Variants in CCDC83 observed in about 807,000 individuals in gnomAD.
CCDC83 encodes coiled-coil domain containing 83.
In CCDC83, 54 loss-of-function variants were observed where a neutral mutation model predicts 50.1. That is an observed-to-expected ratio of 1.08 (90% CI 0.87 to 1.35). The LOEUF (loss-of-function observed/expected upper bound fraction) is 1.35, where lower values mean the gene tolerates loss of function less well. Among genes scored for constraint, CCDC83 ranks in the 40% most tolerant of loss-of-function variants. The probability of loss-of-function intolerance (pLI) is 0.00; values close to 1 mark genes in which losing one functional copy is unlikely to be tolerated. For missense variants in CCDC83, 518 were observed against 473.9 expected, an observed-to-expected ratio of 1.09 and a Z score of -0.86; for synonymous variants, 161 against 153.3, an observed-to-expected ratio of 1.05 and a Z score of -0.37.
intron 5 of CCDC83, among the ~76,000 whole-genome samples, chr11:85,886,947 G>T (rs2093330045): frequency 6.6e-6 from 1 of 152,000 alleles, no homozygotes; most frequent in African/African-American, 2.4e-5. Flanking sequence ...CAATGGATGG[G>T]GTCTGTATGT....
At chr11:85,888,645 C>T (rs1477834287) in intron 5 of CCDC83, among the ~76,000 whole-genome samples, 1 of 151,908 alleles carries the variant, frequency 6.6e-6, no homozygotes, top group African/African-American at 2.4e-5. Flanking sequence ...TTTGATTTTA[C>T]GTTTATGAGA....
chr11:85,855,982 A>G (rs2093137465), intron 1 of CCDC83, among the ~76,000 whole-genome samples: 1 of 152,106 alleles, frequency 6.6e-6, no homozygotes, highest in African/African-American at 2.4e-5. Context: ...TCATATCCCA[A>G]TTCATAGATT....
chr11:85,875,024 GA>G (rs1227663431), intron 3 of CCDC83, among the ~76,000 whole-genome samples: 1 of 152,210 alleles, frequency 6.6e-6, no homozygotes. Flanking sequence ...AGCAAGGCGG[GA>G]AGTTTTATTG....
intron 6 of CCDC83, 93 bp from the exon 7 acceptor site, chr11:85,898,854 A>G: frequency 2.3e-6 from 2 of 884,144 alleles, no homozygotes; most frequent in Non-Finnish European, 1.9e-6. Flanking sequence ...GACACAATCT[A>G]AAATGAATGA....
intron 7 of CCDC83, among the ~76,000 whole-genome samples, chr11:85,901,255 C>A (rs963324141): frequency 6.6e-6 from 1 of 151,900 alleles, no homozygotes; most frequent in Non-Finnish European, 1.5e-5. Flanking sequence ...AAACAAGATG[C>A]TTTAAGAACA....
intron 10 of CCDC83, among the ~76,000 whole-genome samples, chr11:85,917,222 G>A: frequency 7.0e-6 from 1 of 142,708 alleles, no homozygotes; most frequent in African/African-American, 2.6e-5. Context: ...AAGAAAGAAA[G>A]AAAGAAAGAA....
rs556404713 is a variant in CCDC83 at position 85,887,955 on chromosome 11, A to C, written c.511+1588A>C. On this transcript the variant is annotated intron_variant, in intron 5 of 10. Coordinates refer to ENST00000342404, the MANE Select transcript of CCDC83 (RefSeq NM_001286159.2). ...GTAGCTGGGACAGCAGGTATGTGCC[A>C]CCATACCTAGCTAATTTTATTTATT... Among the ~76,000 whole-genome samples, 8 of 152,188 alleles carry C rather than the reference A, an allele frequency of 5.3e-5. No homozygotes were observed. The East Asian group carries it at 1.4e-3, about 26-fold the overall frequency.
Position 85,879,006 on chromosome 11 carries a change from G to A in CCDC83, c.181-3507G>A, listed in dbSNP as rs546901953. Among the ~76,000 whole-genome samples, 13 of 152,002 alleles carry A rather than the reference G, an allele frequency of 8.6e-5. No homozygotes were observed. In the East Asian group the frequency reaches 1.2e-3, roughly 14 times the overall value. ...GACTTTTTGTACTCTTGAGTTTTACGTATATATATAATCTTCTAAAACTAG... is the reference window on the plus strand; with the variant it reads ...GACTTTTTGTACTCTTGAGTTTTACATATATATATAATCTTCTAAAACTAG... On this transcript the variant is annotated intron_variant, in intron 3 of 10. Transcript: ENST00000342404.
Position 85,895,346 on chromosome 11 carries a change from T to C in CCDC83, c.565T>C (p.Leu189=), listed in dbSNP as rs764562630. The C allele has an allele frequency of 5.1e-6, 8 of 1,574,108 alleles. No homozygotes were observed. The highest frequency in any genetic ancestry group is 6.9e-6 in the Non-Finnish European group (8 of 1,154,574). The change falls in exon 6 of 11, where the codon TTG becomes CTG. Residue 189 remains leucine, a synonymous_variant. Coordinates refer to ENST00000342404, the MANE Select transcript of CCDC83 (RefSeq NM_001286159.2). ...TAGAAAGAAAATAATCAAGGAAACT[T>C]TGTTGCAACTGGACCAAAAGAAGGA... ...DTRKKIIKET[L]LQLDQKKEWA... is the part of the protein sequence containing the mutation.
intron 4 of CCDC83, 96 bp from the exon 5 acceptor site, chr11:85,886,104 T>C (rs2093325429): frequency 1.2e-6 from 1 of 869,406 alleles, no homozygotes; most frequent in Non-Finnish European, 1.6e-6. Flanking sequence ...GAGTTAACAG[T>C]ATTTTAATAT....
chr11:85,904,950 C>A (rs1443646400), intron 7 of CCDC83, among the ~76,000 whole-genome samples: 1 of 152,192 alleles, frequency 6.6e-6, no homozygotes, highest in African/African-American at 2.4e-5. Flanking sequence ...GGAGTTCATA[C>A]TATCTCCCCA....
At chr11:85,918,691 G>T (rs1170998836) in intron 10 of CCDC83, among the ~76,000 whole-genome samples, 1 of 152,186 alleles carries the variant, frequency 6.6e-6, no homozygotes, top group East Asian at 1.9e-4. Flanking sequence ...CAGAAATAGT[G>T]TGTGGTCTGT....
chr11:85,905,696 G>T (rs1056343315), intron 7 of CCDC83, among the ~76,000 whole-genome samples: 1 of 151,702 alleles, frequency 6.6e-6, no homozygotes, highest in African/African-American at 2.4e-5. Flanking sequence ...AGGGCCAGGC[G>T]CAGTGGCTCA....
intron 7 of CCDC83, among the ~76,000 whole-genome samples, chr11:85,908,421 C>T (rs936140230): frequency 6.6e-5 from 10 of 151,886 alleles, no homozygotes; most frequent in South Asian, 4.2e-4. Context: ...GGCATGGTGG[C>T]GGGCGCCCGT....
Position 85,885,087 on chromosome 11 carries a change from G to A in CCDC83, c.344-1113G>A, listed in dbSNP as rs563311285. Among the ~76,000 whole-genome samples the A allele has an allele frequency of 5.9e-5, 9 of 152,172 alleles. No homozygotes were observed. The East Asian group carries it at 1.7e-3, about 29-fold the overall frequency. On this transcript the variant is annotated intron_variant, in intron 4 of 10. Transcript: ENST00000342404. ...AAATTAGCCGGACGTGGTGGTGGGT[G>A]CCTGTGATCTCAGCTACTTGGGAGA...
At chr11:85,864,350 T>C (rs1476211833) in intron 1 of CCDC83, among the ~76,000 whole-genome samples, 1 of 152,246 alleles carries the variant, frequency 6.6e-6, no homozygotes, top group African/African-American at 2.4e-5. Flanking sequence ...TAAAAATGTG[T>C]TAAGGAAGAC....
At position 85,873,250 on chromosome 11, in the gene CCDC83, T is replaced by C; in HGVS notation, c.135T>C (p.Phe45=). ...AAGATGCCGTGGAGCAATTCATGTT[T>C]CAAATAAAGACACTTAGGAAAAAGA... is the stretch of plus-strand genomic sequence containing the variant. ...IKEDAVEQFM[F]QIKTLRKKNQ... is the part of the protein sequence containing the mutation. The change falls in exon 3 of 11, where the codon TTT becomes TTC. Residue 45 remains phenylalanine, a synonymous_variant. Coordinates refer to ENST00000342404, the MANE Select transcript of CCDC83 (RefSeq NM_001286159.2). The C allele has an allele frequency of 6.4e-7, 1 of 1,566,436 alleles. No individual in the cohort carries two copies.
At chr11:85,892,638 G>A (rs1044552838) in intron 5 of CCDC83, among the ~76,000 whole-genome samples, 3 of 152,096 alleles carry the variant, frequency 2.0e-5, no homozygotes, top group Non-Finnish European at 4.4e-5. Flanking sequence ...AGGTTTTATG[G>A]TTTCTTTTAG....
intron 5 of CCDC83, 74 bp from the exon 6 acceptor site, chr11:85,895,219 C>A (rs2135078671): frequency 2.5e-6 from 1 of 397,116 alleles, no homozygotes; most frequent in Non-Finnish European, 4.2e-6. Flanking sequence ...TAGACTGCCA[C>A]ACATAGTTTT....
Sources: allele counts gnomAD v4.1 joint callset (sites outside exome capture counted in the v4.1 genomes callset), GRCh38; gene constraint gnomAD v4.1.1; transcripts MANE v1.5; gene names NCBI Gene and HGNC (gene_info 2026-07-23, HGNC 2026-07-21).